The following IPMK variants were observed in gnomAD, a reference collection of about 807,000 sequenced individuals.
IPMK encodes inositol polyphosphate multikinase.
A neutral mutation model predicts 45.8 loss-of-function variants in IPMK; 17 were observed. The observed-to-expected ratio is 0.37, with a 90% confidence interval of 0.25 to 0.56. IPMK has a LOEUF of 0.56. IPMK is among the 20% of genes least tolerant of loss of function. IPMK has a pLI of 0.79. For missense variants in IPMK, 399 were observed against 498.0 expected, an observed-to-expected ratio of 0.80 and a Z score of 1.89; for synonymous variants, 180 against 184.3, an observed-to-expected ratio of 0.98 and a Z score of 0.19.
intron 2 of IPMK, among the ~76,000 whole-genome samples, chr10:58,229,086 A>G (rs576346903): frequency 4.6e-5 from 7 of 152,276 alleles, no homozygotes; most frequent in Non-Finnish European, 7.4e-5. Flanking sequence ...ATCTTGGCTT[A>G]CTTCTCTCTC....
chr10:58,210,471 A>T (rs899911480), intron 4 of IPMK, among the ~76,000 whole-genome samples: 2 of 152,108 alleles, frequency 1.3e-5, no homozygotes, highest in African/African-American at 4.8e-5. Flanking sequence ...CTGCTCAAGT[A>T]AGTTCGTGCC....
intron 1 of IPMK, among the ~76,000 whole-genome samples, chr10:58,252,905 C>T (rs553504379): frequency 6.5e-4 from 98 of 151,874 alleles, no homozygotes; most frequent in African/African-American, 2.1e-3. Flanking sequence ...AGCCACTGTG[C>T]CCGGCCACAT....
intron 4 of IPMK, among the ~76,000 whole-genome samples, chr10:58,205,078 C>G (rs151328632): frequency 6.6e-6 from 1 of 151,976 alleles, no homozygotes; most frequent in African/African-American, 2.4e-5. Context: ...AAAAAATTAA[C>G]TTAAAATGTA....
chr10:58,258,862 G>A (rs1432335165), intron 1 of IPMK, among the ~76,000 whole-genome samples: 2 of 152,052 alleles, frequency 1.3e-5, no homozygotes, highest in African/African-American at 4.8e-5. Flanking sequence ...AAAGAAATAA[G>A]AAATGGACAA....
In IPMK at chr10:58,196,713, A is replaced by G; in HGVS notation, c.629-15T>C. The G allele has an allele frequency of 6.7e-7, 1 of 1,490,842 alleles. No individual in the cohort carries two copies. Among genetic ancestry groups the G allele is most frequent in the Non-Finnish European group, 9.1e-7 (1 of 1,101,180 alleles). 92.4% of individuals were successfully genotyped at this position (1,490,842 alleles called of 1,614,324 possible). On this transcript the variant is annotated splice_polypyrimidine_tract_variant and intron_variant, in intron 5 of 5. Transcript: ENST00000373935. ...TCTGGAGACTCCTATAAAAAGAAAA[A>G]TATGAGCGTTATAATCAAATTATGA...
intron 1 of IPMK, among the ~76,000 whole-genome samples, chr10:58,248,680 C>G (rs1055320733): frequency 3.3e-5 from 5 of 152,148 alleles, no homozygotes; most frequent in Admixed American, 2.0e-4. Flanking sequence ...GTTAAACAAC[C>G]TCTCTTCATT....
rs1837962776 is a variant in IPMK at position 58,199,301 on chromosome 10, A to G, written c.567T>C (p.Asp189=). ...AATGCTGGTTTTCTGTCTCATAGCT[A>G]TCGGAATGAACATGATAAACCTGTC... ...LGMRVYHVHS[D]SYETENQHYG... Residue 189 remains aspartate (D), a synonymous_variant, in exon 5 of 6, where the codon GAT becomes GAC. Coordinates refer to ENST00000373935, the MANE Select transcript of IPMK (RefSeq NM_152230.5). 1.2e-6 allele frequency: 2 copies of G among 1,607,628 alleles called. No individual in the cohort carries two copies. Among genetic ancestry groups the G allele is most frequent in the South Asian group, 2.2e-5 (2 of 90,276 alleles).
At chr10:58,225,584 G>A (rs1413067355) in intron 3 of IPMK, among the ~76,000 whole-genome samples, 3 of 152,050 alleles carry the variant, frequency 2.0e-5, no homozygotes, top group Non-Finnish European at 4.4e-5. Flanking sequence ...TAATTATGCT[G>A]TATTTGCTAG....
rs999405339 is a variant in IPMK at position 58,267,584 on chromosome 10, G to A, written c.28C>T (p.Arg10Trp). 15 of 1,605,176 alleles carry A rather than the reference G, an allele frequency of 9.3e-6. No individual in the cohort carries two copies. Among genetic ancestry groups the A allele is most frequent in the East Asian group, 6.7e-5 (3 of 44,536 alleles). Residue 10 changes from arginine (R) to tryptophan (W), a missense_variant, in exon 1 of 6, where the codon CGG becomes TGG. Arg to Trp is a moderately radical substitution (Grantham distance 101, BLOSUM62 -3). Coordinates refer to ENST00000373935, the MANE Select transcript of IPMK (RefSeq NM_152230.5). The stretch of plus-strand genomic sequence containing the variant: ...TCTGGGGGGCCCGGCGCCTCGACCC[G>A]GAGGGGGGATGGTGGCTCTGTTGCC... MATEPPSPL[R>W]VEAPGPPEMR...
chr10:58,262,140 T>A (rs1459770887), intron 1 of IPMK, among the ~76,000 whole-genome samples: 1 of 152,168 alleles, frequency 6.6e-6, no homozygotes, highest in Admixed American at 6.5e-5. Context: ...AAATACCTAA[T>A]GTAAATGACT....
intron 1 of IPMK, among the ~76,000 whole-genome samples, chr10:58,266,648 C>T (rs1839152069): frequency 6.6e-6 from 1 of 152,196 alleles, no homozygotes; most frequent in South Asian, 2.1e-4. Context: ...CAGGGAACCA[C>T]TACGGGTAAA....
chr10:58,261,540 AAAAG>A (rs1377357034), intron 1 of IPMK, among the ~76,000 whole-genome samples: 1 of 152,102 alleles, frequency 6.6e-6, no homozygotes, highest in Non-Finnish European at 1.5e-5. Flanking sequence ...AAAAGGGAGA[AAAAG>A]AAATAACAAC....
Position 58,196,517 on chromosome 10 carries a change from G to C in IPMK, c.810C>G (p.Asp270Glu). Residue 270 changes from aspartate to glutamate, a missense_variant, in exon 6 of 6, where the codon GAC becomes GAG. Transcript: ENST00000373935. ...SSQPTTTKLNDRTLAEKFLSK... is the reference protein window; with the variant it reads ...SSQPTTTKLNERTLAEKFLSK... ...ACAAAAACTTTTCTGCCAAAGTTCT[G>C]TCATTCAATTTTGTAGTGGTTGGCT... is the stretch of plus-strand genomic sequence containing the variant. 1.2e-6 allele frequency: 2 copies of C among 1,613,930 alleles called. No homozygotes were observed. The highest frequency in any genetic ancestry group is 1.7e-6 in the Non-Finnish European group (2 of 1,179,948).
intron 2 of IPMK, among the ~76,000 whole-genome samples, chr10:58,230,670 G>A (rs1272939045): frequency 3.9e-5 from 6 of 152,118 alleles, no homozygotes; most frequent in Admixed American, 3.9e-4. Flanking sequence ...CCCATCTGTA[G>A]GTCACCAACA....
intron 2 of IPMK, among the ~76,000 whole-genome samples, chr10:58,231,445 A>G (rs961979577): frequency 9.2e-5 from 14 of 152,204 alleles, no homozygotes; most frequent in African/African-American, 3.4e-4. Context: ...TGAGTTACCC[A>G]CAAAGGGAAG....
At chr10:58,263,884 T>G (rs1262930094) in intron 1 of IPMK, among the ~76,000 whole-genome samples, 1 of 152,202 alleles carries the variant, frequency 6.6e-6, no homozygotes, top group Non-Finnish European at 1.5e-5. Flanking sequence ...ATAACTGGCC[T>G]GTACTCTTCA....
At chr10:58,263,387 G>T (rs965650432) in intron 1 of IPMK, among the ~76,000 whole-genome samples, 1 of 152,116 alleles carries the variant, frequency 6.6e-6, no homozygotes. Flanking sequence ...AGCCAGGCAT[G>T]GTGGTGCACT....
At position 58,267,605 on chromosome 10, in the gene IPMK, T is replaced by C. The variant is rs1011521364; in HGVS notation, c.7A>G (p.Thr3Ala). 6.3e-6 allele frequency: 10 copies of C among 1,596,102 alleles called. No individual in the cohort carries two copies. The highest frequency in any genetic ancestry group is 2.7e-5 in the African/African-American group (2 of 74,514). ...ACCCGGAGGGGGGATGGTGGCTCTGTTGCCATAACGGAGAGCAGAAGCGGT... is the reference window on the plus strand; with the variant it reads ...ACCCGGAGGGGGGATGGTGGCTCTGCTGCCATAACGGAGAGCAGAAGCGGT... MA[T>A]EPPSPLRVEA... Residue 3 changes from threonine to alanine, a missense_variant, in exon 1 of 6, where the codon ACA becomes GCA. Thr to Ala is a moderately conservative substitution (Grantham distance 58). Around this residue, in one of 2 missense-constraint regions of IPMK, gnomAD observed 111 missense variants for 99.9 expected, o/e 1.11. Coordinates refer to ENST00000373935, the MANE Select transcript of IPMK (RefSeq NM_152230.5).
intron 4 of IPMK, among the ~76,000 whole-genome samples, chr10:58,204,392 A>G (rs1337734032): frequency 1.3e-5 from 2 of 152,158 alleles, no homozygotes; most frequent in African/African-American, 4.8e-5. Context: ...GTACGTCACC[A>G]TATTAGTTGC....
Sources: allele counts gnomAD v4.1 joint callset (sites outside exome capture counted in the v4.1 genomes callset), GRCh38; gene constraint gnomAD v4.1.1; regional missense constraint gnomAD v4.1.1; transcripts MANE v1.5; gene names NCBI Gene and HGNC (gene_info 2026-07-23, HGNC 2026-07-21).